Variants in HSD17B12 observed in about 807,000 individuals in gnomAD.
HSD17B12 encodes very-long-chain 3-oxoacyl-CoA reductase.
Under a neutral mutation model 39.3 loss-of-function variants are expected in HSD17B12, and 32 were observed. That is an observed-to-expected ratio of 0.81 (90% CI 0.61 to 1.09). HSD17B12 has a LOEUF of 1.09. Among genes scored for constraint, HSD17B12 ranks in the 50% least tolerant of loss-of-function variants. The pLI, the probability that HSD17B12 is intolerant of heterozygous loss-of-function variation, is 0.00. For synonymous variants in HSD17B12, 150 were observed against 146.7 expected (o/e 1.02, Z -0.16); for missense variants, 342 against 382.9 (o/e 0.89, Z 0.89).
chr11:43,829,950 G>A (rs1422843110), intron 6 of HSD17B12: 1 of 152,040 alleles, frequency 6.6e-6, no homozygotes, highest in Admixed American at 6.6e-5. Context: ...CTGTTAATAT[G>A]CCTGATGTAC....
chr11:43,758,904 C>T (rs1300473204), intron 3 of HSD17B12, among the ~76,000 whole-genome samples: 2 of 152,164 alleles, frequency 1.3e-5, no homozygotes, highest in Non-Finnish European at 2.9e-5. Context: ...AGGGGCTTAA[C>T]ACTATGTCTA....
the HSD17B12 span, among the ~76,000 whole-genome samples, chr11:43,628,181 T>G: frequency 6.6e-6 from 1 of 152,000 alleles, no homozygotes; most frequent in South Asian, 2.1e-4. Flanking sequence ...CCATTATTAG[T>G]TCTTACTTGG....
Position 43,726,025 on chromosome 11 carries a change from TAAC to T in HSD17B12, c.161-24883_161-24881del, listed in dbSNP as rs1393593530. Among the ~76,000 whole-genome samples the T allele has an allele frequency of 2.0e-5, 3 of 152,318 alleles. No individual in the cohort carries two copies. In the East Asian group the frequency reaches 5.8e-4, roughly 29 times the overall value. ...TGTTATTTTCACTTTATGTAACAGT[TAAC>T]AATCAAATAATAATAGTGATAGTAA... On this transcript the variant is annotated intron_variant, in intron 1 of 10. Coordinates refer to ENST00000278353, the MANE Select transcript of HSD17B12 (RefSeq NM_016142.3).
At chr11:43,575,625 G>A in the HSD17B12 span, among the ~76,000 whole-genome samples, 1 of 152,220 alleles carries the variant, frequency 6.6e-6, no homozygotes, top group African/African-American at 2.4e-5. This position sits in a 1 kb window ranked among gnomAD's most constrained non-coding sequence, Gnocchi z 4.1. Flanking sequence ...CGCCTCGGCC[G>A]CCTCGCCTGC....
chr11:43,681,099 C>T, intron 1 of HSD17B12, 112 bp downstream of exon 1: 2 of 1,388,000 alleles, frequency 1.4e-6, no homozygotes, highest in Non-Finnish European at 1.9e-6. Context: ...CAGCTCTCCT[C>T]TTTCTCAGGC....
intron 1 of HSD17B12, among the ~76,000 whole-genome samples, chr11:43,722,861 A>T (rs1451363401): frequency 1.3e-5 from 2 of 152,000 alleles, no homozygotes; most frequent in African/African-American, 4.8e-5. Flanking sequence ...TTCGCCTGCC[A>T]TGGTGGTGTG....
At chr11:43,634,038 C>T in the HSD17B12 span, among the ~76,000 whole-genome samples, 4 of 128,530 alleles carry the variant, frequency 3.1e-5, no homozygotes, top group African/African-American at 6.2e-5. Flanking sequence ...CACACCATTG[C>T]ACTCCAGCCT....
At chr11:43,701,731 C>A (rs538348982) in intron 1 of HSD17B12, among the ~76,000 whole-genome samples, 1 of 152,064 alleles carries the variant, frequency 6.6e-6, no homozygotes, top group African/African-American at 2.4e-5. Flanking sequence ...AGTTATTATA[C>A]CTCTGTAGTA....
the HSD17B12 span, among the ~76,000 whole-genome samples, chr11:43,633,461 G>A: frequency 4.5e-4 from 69 of 152,300 alleles, 1 homozygote; most frequent in Middle Eastern, 0.027. Flanking sequence ...GAACCCAGGA[G>A]GCAGAGGTTG....
intron 1 of HSD17B12, among the ~76,000 whole-genome samples, chr11:43,729,118 T>A (rs968534929): frequency 3.3e-5 from 5 of 152,076 alleles, no homozygotes; most frequent in African/African-American, 1.2e-4. Flanking sequence ...TCTGAAAAAC[T>A]AAAAGGGAAA....
chr11:43,650,990 C>T, the HSD17B12 span, among the ~76,000 whole-genome samples: 8 of 152,156 alleles, frequency 5.3e-5, no homozygotes, highest in Non-Finnish European at 7.3e-5. Flanking sequence ...GTTTCAGACA[C>T]GCACTGAGGG....
chr11:43,788,504 C>T lies in HSD17B12; in HGVS notation c.284-9816C>T, dbSNP rs559519058. Among the ~76,000 whole-genome samples the T allele has an allele frequency of 2.6e-5, 4 of 152,102 alleles. No homozygotes were observed. In the East Asian group the frequency reaches 7.7e-4, roughly 29 times the overall value. ...CTGCTCAGTTGTACAGTCCTGTGGG[C>T]TCTCACTCAGAAGTCCCTCCCAGCC... On this transcript the variant is annotated intron_variant, in intron 3 of 10. Transcript: ENST00000278353.
At chr11:43,683,736 A>G (rs1949772916) in intron 1 of HSD17B12, among the ~76,000 whole-genome samples, 1 of 152,144 alleles carries the variant, frequency 6.6e-6, no homozygotes. Flanking sequence ...TCTAGTACTA[A>G]TATTTAATAT....
the HSD17B12 span, among the ~76,000 whole-genome samples, chr11:43,631,088 A>G: frequency 6.6e-6 from 1 of 152,232 alleles, no homozygotes; most frequent in Non-Finnish European, 1.5e-5. Flanking sequence ...TACAGGCGTG[A>G]GCCATAGCGC....
intron 3 of HSD17B12, among the ~76,000 whole-genome samples, chr11:43,790,989 C>T (rs1950862873): frequency 6.6e-6 from 1 of 151,670 alleles, no homozygotes. Flanking sequence ...AGCGGAACTC[C>T]ATCTCAAAAA....
the HSD17B12 span, among the ~76,000 whole-genome samples, chr11:43,605,578 A>AG: frequency 6.6e-6 from 1 of 151,724 alleles, no homozygotes; most frequent in African/African-American, 2.4e-5. Context: ...AAAAAAAAAA[A>AG]AAGTCCTGTA....
chr11:43,793,323 G>C (rs768948234), intron 3 of HSD17B12, among the ~76,000 whole-genome samples: 3 of 152,116 alleles, frequency 2.0e-5, no homozygotes, highest in Non-Finnish European at 4.4e-5. Flanking sequence ...GGGAAGGCAG[G>C]CTGTTTATTT....
chr11:43,798,502 T>A, intron 4 of HSD17B12, 75 bp downstream of exon 4: 1 of 880,028 alleles, frequency 1.1e-6, no homozygotes, highest in Non-Finnish European at 1.8e-6. Context: ...TGTTAAGTGG[T>A]AAAATGACTA....
At chr11:43,737,145 C>A (rs1950324268) in intron 1 of HSD17B12, among the ~76,000 whole-genome samples, 1 of 152,180 alleles carries the variant, frequency 6.6e-6, no homozygotes, top group African/African-American at 2.4e-5. Flanking sequence ...TTTGGAATAA[C>A]TAAGCTCTTA....
Sources: allele counts gnomAD v4.1 joint callset (sites outside exome capture counted in the v4.1 genomes callset), GRCh38; gene constraint gnomAD v4.1.1; non-coding constraint Gnocchi (gnomAD v3.1); transcripts MANE v1.5; gene names NCBI Gene and HGNC (gene_info 2026-07-23, HGNC 2026-07-21).